TP53BP1: variants seen among roughly 807,000 people sequenced by gnomAD.
The protein encoded by TP53BP1 is TP53-binding protein 1.
In TP53BP1, 61 loss-of-function variants were observed where a neutral mutation model predicts 200.8. The ratio of observed to expected loss-of-function variants is 0.30; its 90% CI spans 0.25 to 0.38. TP53BP1 has a LOEUF of 0.38. Among genes scored for constraint, TP53BP1 ranks in the 10% least tolerant of loss-of-function variants. The pLI, the probability that TP53BP1 is intolerant of heterozygous loss-of-function variation, is 1.00. For missense variants in TP53BP1, 2,144 were observed against 2,371.9 expected (o/e 0.90, Z 2.00); for synonymous variants, 822 against 844.3 (o/e 0.97, Z 0.46).
rs1181759701 is a variant in TP53BP1 at position 43,403,767 on chromosome 15, C to T, written c.*3616G>A. The T allele has an allele frequency of 3.1e-6, 5 of 1,613,910 alleles. No individual in the cohort carries two copies. Among genetic ancestry groups the T allele is most frequent in the East Asian group, 2.2e-5 (1 of 44,870 alleles). ...TCAGAACCTAGGCCCACTGGATGAGCGTGGAGCCGCCCAGCTGAGCATTCT... is the reference window on the plus strand; with the variant it reads ...TCAGAACCTAGGCCCACTGGATGAGTGTGGAGCCGCCCAGCTGAGCATTCT... On this transcript the variant is annotated 3_prime_UTR_variant, in exon 28 of 28. Transcript: ENST00000382044.
intron 4 of TP53BP1, among the ~76,000 whole-genome samples, chr15:43,481,269 C>T (rs493377): frequency 0.46 from 69,288 of 151,820 alleles, 20,555 homozygotes; most frequent in African/African-American, 0.85. Flanking sequence ...TGAGAAGAGG[C>T]AGAAAAATCT....
chr15:43,411,088 A>G lies in TP53BP1; in HGVS notation c.5306-1347T>C, dbSNP rs149172902. The stretch of plus-strand genomic sequence containing the variant: ...CCCCTTACAGTCCTGTATTTTTCTC[A>G]AGACTTCTACTTTATGTCTGCTTAA... On this transcript the variant is annotated intron_variant, in intron 24 of 27. Coordinates refer to ENST00000382044, the MANE Select transcript of TP53BP1 (RefSeq NM_001141980.3). 3.5e-3 allele frequency among the ~76,000 whole-genome samples: 529 copies of G among 152,222 alleles called. 3 individuals are homozygous for G. The highest frequency in any genetic ancestry group is 0.012 in the African/African-American group (500 of 41,544).
At chr15:43,476,562 C>A (rs558637330) in intron 8 of TP53BP1, among the ~76,000 whole-genome samples, 1 of 152,316 alleles carries the variant, frequency 6.6e-6, no homozygotes, top group South Asian at 2.1e-4. Flanking sequence ...TTGGTCCCTT[C>A]CCCTTAGCAA....
At chr15:43,416,026 C>G (rs1047681455) in intron 22 of TP53BP1, among the ~76,000 whole-genome samples, 199 bp downstream of exon 22, 2 of 152,220 alleles carry the variant, frequency 1.3e-5, no homozygotes, top group South Asian at 2.1e-4. Flanking sequence ...CCAGAAAAAC[C>G]CTAAGGACTT....
At position 43,475,564 on chromosome 15, in the gene TP53BP1, C is replaced by T; in HGVS notation, c.1085+1G>A. On this transcript the variant is annotated splice_donor_variant, in intron 9 of 27. Coordinates refer to ENST00000382044, the MANE Select transcript of TP53BP1 (RefSeq NM_001141980.3). LOFTEE classifies it high-confidence loss of function. ...GCATAAGCTATTTTAGGCTTACTTACGTGGAAAGACTGTCCTGAACAAGGG... is the reference window on the plus strand; with the variant it reads ...GCATAAGCTATTTTAGGCTTACTTATGTGGAAAGACTGTCCTGAACAAGGG... The T allele has an allele frequency of 6.2e-7, 1 of 1,614,010 alleles. No individual in the cohort carries two copies. The highest frequency in any genetic ancestry group is 8.5e-7 in the Non-Finnish European group (1 of 1,179,970).
chr15:43,480,825 T>C (rs773345633), intron 5 of TP53BP1, 70 bp downstream of exon 5: 10 of 1,527,350 alleles, frequency 6.5e-6, no homozygotes, highest in Non-Finnish European at 8.0e-6. Context: ...AGGAGAAATT[T>C]AGACATCTGC....
At chr15:43,414,769 G>C (rs1354944616) in intron 23 of TP53BP1, among the ~76,000 whole-genome samples, 1 of 151,784 alleles carries the variant, frequency 6.6e-6, no homozygotes, top group Non-Finnish European at 1.5e-5. Flanking sequence ...GCCGTGGCGT[G>C]ATCTCGGCTC....
At chr15:43,447,698 T>C (rs1051130407) in intron 12 of TP53BP1, among the ~76,000 whole-genome samples, 2 of 151,950 alleles carry the variant, frequency 1.3e-5, no homozygotes, top group Non-Finnish European at 2.9e-5. Context: ...CCAACAACTA[T>C]AGTACTGACA....
intron 4 of TP53BP1, among the ~76,000 whole-genome samples, chr15:43,491,165 C>T (rs549994602): frequency 4.9e-4 from 74 of 151,976 alleles, no homozygotes; most frequent in African/African-American, 1.7e-3. Flanking sequence ...ACTGCAACCT[C>T]CGCCTCCCAG....
chr15:43,453,764 C>T (rs553247374), intron 12 of TP53BP1, among the ~76,000 whole-genome samples: 1 of 151,718 alleles, frequency 6.6e-6, no homozygotes, highest in Non-Finnish European at 1.5e-5. Flanking sequence ...AGGCTGGTCT[C>T]GAACTCCTGA....
chr15:43,467,607 G>A (rs908218539), intron 11 of TP53BP1, among the ~76,000 whole-genome samples: 1 of 151,926 alleles, frequency 6.6e-6, no homozygotes, highest in Non-Finnish European at 1.5e-5. Context: ...TTTTCAAAAC[G>A]TCCATTCTCC....
At position 43,470,052 on chromosome 15, in the gene TP53BP1, T is replaced by A; in HGVS notation, c.1195A>T (p.Thr399Ser). The change falls in exon 11 of 28, where the codon ACG becomes TCG. Residue 399 changes from threonine (T) to serine (S), a missense_variant. Physicochemically the swap from Thr to Ser is moderately conservative, Grantham distance 58 (BLOSUM62 1). Coordinates refer to ENST00000382044, the MANE Select transcript of TP53BP1 (RefSeq NM_001141980.3). ...CCTCCTTCTTCAGATAACACTGACGTGTCCATTGGCTTATCTGGTTTAAAA... is the reference window on the plus strand; with the variant it reads ...CCTCCTTCTTCAGATAACACTGACGAGTCCATTGGCTTATCTGGTTTAAAA... Reference protein sequence around the residue: ...QEGRQDKPMDTSVLSEEGGEP... With the variant: ...QEGRQDKPMDSSVLSEEGGEP... 1 of 1,612,820 alleles carries A rather than the reference T, an allele frequency of 6.2e-7. No individual in the cohort carries two copies.
intron 1 of TP53BP1, among the ~76,000 whole-genome samples, chr15:43,499,987 CACTT>C (rs2079201594): frequency 6.6e-6 from 1 of 152,170 alleles, no homozygotes; most frequent in Non-Finnish European, 1.5e-5. Context: ...ACTTCTTGAG[CACTT>C]ACTATGTTCT....
chr15:43,495,035 G>A (rs937241082), upstream of TP53BP1, among the ~76,000 whole-genome samples: 19 of 151,674 alleles, frequency 1.3e-4, no homozygotes, highest in Admixed American at 7.2e-4. Context: ...AAAAATATAC[G>A]AAAAAAATTA....
upstream of TP53BP1, among the ~76,000 whole-genome samples, chr15:43,494,616 C>G (rs1234355168): frequency 6.6e-6 from 1 of 152,176 alleles, no homozygotes; most frequent in Non-Finnish European, 1.5e-5. Flanking sequence ...TACTCCACTC[C>G]TAAAGCTGCA....
In TP53BP1 at chr15:43,432,506, T is replaced by C. The variant is rs2142998346; in HGVS notation, c.3363A>G (p.Gln1121=). 1.2e-6 allele frequency: 2 copies of C among 1,614,174 alleles called. No homozygotes were observed. The highest frequency in any genetic ancestry group is 4.5e-5 in the East Asian group (2 of 44,888). The change falls in exon 17 of 28, where the codon CAA becomes CAG. Residue 1121 remains glutamine (Q), a synonymous_variant. Coordinates refer to ENST00000382044, the MANE Select transcript of TP53BP1 (RefSeq NM_001141980.3). ...GCACATCTGTCACCATTGCCTCTCCTTGAGGACTGGATGGCCCTTGTATGA... is the reference window on the plus strand; with the variant it reads ...GCACATCTGTCACCATTGCCTCTCCCTGAGGACTGGATGGCCCTTGTATGA... ...KMVIQGPSSP[Q]GEAMVTDVLE...
At chr15:43,503,671 A>G (rs950981091) in intron 1 of TP53BP1, among the ~76,000 whole-genome samples, 2 of 151,890 alleles carry the variant, frequency 1.3e-5, no homozygotes, top group Non-Finnish European at 1.5e-5. Context: ...AAAAAAAAAG[A>G]TTCTTCCTTT....
intron 10 of TP53BP1, among the ~76,000 whole-genome samples, chr15:43,472,158 T>C (rs1046283514): frequency 1.3e-5 from 2 of 152,238 alleles, no homozygotes; most frequent in African/African-American, 4.8e-5. Flanking sequence ...TGCTTCTACA[T>C]CTCATTAGTT....
chr15:43,505,946 G>A (rs1250223945), intron 1 of TP53BP1, among the ~76,000 whole-genome samples: 1 of 152,208 alleles, frequency 6.6e-6, no homozygotes, highest in Non-Finnish European at 1.5e-5. Flanking sequence ...GCAGAACTGA[G>A]TGCAGGGAAG....
Sources: allele counts gnomAD v4.1 joint callset (sites outside exome capture counted in the v4.1 genomes callset), GRCh38; gene constraint gnomAD v4.1.1; transcripts MANE v1.5; gene names NCBI Gene and HGNC (gene_info 2026-07-23, HGNC 2026-07-21).